NAALADL2: variants seen among roughly 807,000 people sequenced by gnomAD.
NAALADL2 encodes N-acetylated alpha-linked acidic dipeptidase like 2, also known as inactive N-acetylated-alpha-linked acidic dipeptidase-like protein 2.
In NAALADL2, 76 loss-of-function variants were observed where a neutral mutation model predicts 87.2. The ratio of observed to expected loss-of-function variants is 0.87; its 90% confidence interval spans 0.72 to 1.05. The LOEUF (loss-of-function observed/expected upper bound fraction) is 1.05, where lower values mean the gene tolerates loss of function less well. Among genes scored for constraint, NAALADL2 ranks in the 50% least tolerant of loss-of-function variants. NAALADL2 has a pLI of 0.00. For missense variants in NAALADL2, 1,089 were observed against 945.8 expected, an observed-to-expected ratio of 1.15 and a Z score of -1.99; for synonymous variants, 354 against 331.0, an observed-to-expected ratio of 1.07 and a Z score of -0.75.
At chr3:174,557,258 C>T (rs1712947417) in intron 2 of NAALADL2, among the ~76,000 whole-genome samples, 1 of 151,974 alleles carries the variant, frequency 6.6e-6, no homozygotes, top group Non-Finnish European at 1.5e-5. Flanking sequence ...ACCTACATGC[C>T]ACAAAAACCT....
At chr3:175,523,330 C>T (rs1296846956) in intron 9 of NAALADL2, among the ~76,000 whole-genome samples, 2 of 152,162 alleles carry the variant, frequency 1.3e-5, no homozygotes, top group Non-Finnish European at 2.9e-5. Context: ...TTCCACAACA[C>T]AAATTAATCT....
chr3:174,470,152 C>G (rs149771403), intron 1 of NAALADL2, among the ~76,000 whole-genome samples: 5 of 152,214 alleles, frequency 3.3e-5, no homozygotes, highest in Non-Finnish European at 5.9e-5. Flanking sequence ...CACAACCTTG[C>G]CAGCATCTGT....
chr3:174,480,891 A>G lies in NAALADL2; in HGVS notation c.-184+39859A>G, dbSNP rs138322554. Among the ~76,000 whole-genome samples, 209 of 152,170 alleles carry G rather than the reference A, an allele frequency of 1.4e-3. No homozygotes were observed. The South Asian group carries it at 0.016, about 11-fold the overall frequency. ...GAGTAGATAAGGACTCCTTGTACAT[A>G]CAGGTCCGACAGGTCATAAATTAAT... On this transcript the variant is annotated intron_variant, in intron 1 of 3. Transcript: ENST00000434257.
At chr3:175,220,005 C>T (rs1278806413) in intron 2 of NAALADL2, among the ~76,000 whole-genome samples, 1 of 150,748 alleles carries the variant, frequency 6.6e-6, no homozygotes, top group Non-Finnish European at 1.5e-5. Context: ...GGGAAATAAT[C>T]TTTCTTTTTT....
chr3:175,532,299 C>T (rs755557536), intron 9 of NAALADL2, among the ~76,000 whole-genome samples: 7 of 152,204 alleles, frequency 4.6e-5, no homozygotes, highest in Non-Finnish European at 7.3e-5. Flanking sequence ...GATCACTTCC[C>T]TTTTCCATAG....
At chr3:175,327,345 C>T (rs533527312) in intron 5 of NAALADL2, among the ~76,000 whole-genome samples, 4 of 151,882 alleles carry the variant, frequency 2.6e-5, no homozygotes, top group East Asian at 1.9e-4. Context: ...TTAGTAGAGA[C>T]GGGGTTTCAC....
At position 175,074,559 on chromosome 3, in the gene NAALADL2, C is replaced by CA. The variant is rs200642221; in HGVS notation, c.44-22222dup. Reference sequence around the variant, plus strand: ...TGGAGTACATCGAGTATTATTTATTCAAAAAAAAATTGTGGTTTGAACATT... The same window carrying CA: ...TGGAGTACATCGAGTATTATTTATTCAAAAAAAAAATTGTGGTTTGAACATT... On this transcript the variant is annotated intron_variant, in intron 1 of 13. Coordinates refer to ENST00000454872, the MANE Select transcript of NAALADL2 (RefSeq NM_207015.3). Among the ~76,000 whole-genome samples the CA allele has an allele frequency of 3.4e-3, 513 of 150,328 alleles. 4 individuals are homozygous for CA. The highest frequency in any genetic ancestry group is 5.6e-3 in the Non-Finnish European group (376 of 67,476).
intron 2 of NAALADL2, among the ~76,000 whole-genome samples, chr3:175,184,657 A>G (rs1419982405): frequency 6.6e-6 from 1 of 152,010 alleles, no homozygotes; most frequent in African/African-American, 2.4e-5. Context: ...TTTTGTAGTT[A>G]ATGCTTTGGA....
chr3:175,772,843 TACTTCTGTGACATTTTAG>T (rs1370928812), intron 13 of NAALADL2, among the ~76,000 whole-genome samples: 2 of 152,200 alleles, frequency 1.3e-5, no homozygotes, highest in Non-Finnish European at 2.9e-5. Flanking sequence ...ATTTTAGTGT[TACTTCTGTGACATTTTAG>T]TGTTTCTTCT....
chr3:175,603,881 C>T (rs1227950932), intron 10 of NAALADL2, among the ~76,000 whole-genome samples: 1 of 152,108 alleles, frequency 6.6e-6, no homozygotes, highest in African/African-American at 2.4e-5. Flanking sequence ...TTGGTCCCAG[C>T]TACTCAGGAG....
intron 9 of NAALADL2, among the ~76,000 whole-genome samples, chr3:175,501,424 G>GACACACACACACACACACACACACAC (rs61284771): frequency 0.016 from 2,442 of 148,880 alleles, 79 homozygotes; most frequent in East Asian, 0.093. Context: ...ATACGTTTTA[G>GACACACACACACACACACACACACAC]ACACACACAC....
intron 13 of NAALADL2, among the ~76,000 whole-genome samples, chr3:175,802,328 T>TGGG (rs5854660): frequency 2.1e-4 from 31 of 150,746 alleles, no homozygotes; most frequent in Admixed American, 1.1e-3. Context: ...GATTTTTTTT[T>TGGG]GGGGGGGGAC....
At chr3:175,325,021 C>G (rs973556529) in intron 5 of NAALADL2, among the ~76,000 whole-genome samples, 1 of 152,276 alleles carries the variant, frequency 6.6e-6, no homozygotes, top group Non-Finnish European at 1.5e-5. Context: ...TTCATTCAAC[C>G]TGGCTGAGGA....
intron 2 of NAALADL2, among the ~76,000 whole-genome samples, chr3:174,717,411 A>C (rs1383211606): frequency 6.6e-6 from 1 of 152,218 alleles, no homozygotes; most frequent in Admixed American, 6.5e-5. Flanking sequence ...GAAAAATGTC[A>C]TGCCGGTCTT....
chr3:175,781,721 T>C (rs1751125821), intron 13 of NAALADL2, among the ~76,000 whole-genome samples: 1 of 151,880 alleles, frequency 6.6e-6, no homozygotes, highest in South Asian at 2.1e-4. Flanking sequence ...TTTTTATTTT[T>C]TTATTATACT....
chr3:175,420,909 T>A (rs1490827688), intron 5 of NAALADL2, among the ~76,000 whole-genome samples: 1 of 152,008 alleles, frequency 6.6e-6, no homozygotes, highest in Admixed American at 6.6e-5. Context: ...CCTATCTGCA[T>A]CCACATAAAA....
At chr3:174,722,188 G>T (rs573213072) in intron 2 of NAALADL2, among the ~76,000 whole-genome samples, 1 of 152,046 alleles carries the variant, frequency 6.6e-6, no homozygotes, top group African/African-American at 2.4e-5. Flanking sequence ...AATCCTCCAT[G>T]TTCCTGGAAA....
chr3:174,457,115 CT>C (rs1334229962), intron 1 of NAALADL2, among the ~76,000 whole-genome samples: 1 of 152,130 alleles, frequency 6.6e-6, no homozygotes, highest in Non-Finnish European at 1.5e-5. Context: ...CTCAACATCT[CT>C]GATCATTAGA....
chr3:175,295,733 A>ACG (rs1553851723), intron 4 of NAALADL2, among the ~76,000 whole-genome samples: 2 of 151,416 alleles, frequency 1.3e-5, no homozygotes, highest in Non-Finnish European at 3.0e-5. Context: ...ACACACACAC[A>ACG]CACACACACA....
Sources: gnomAD v4.1 joint callset for allele counts (sites outside exome capture counted in the v4.1 genomes callset) on GRCh38, gnomAD v4.1.1 for gene constraint, MANE v1.5 for transcripts, NCBI Gene and HGNC (gene_info 2026-07-23, HGNC 2026-07-21) for gene names.